PRKCA: variants seen among roughly 807,000 people sequenced by gnomAD.
The protein encoded by PRKCA is protein kinase C alpha type.
In PRKCA, 27 loss-of-function variants were observed where a neutral mutation model predicts 87.0. The observed-to-expected ratio is 0.31, with a 90% CI of 0.23 to 0.43. PRKCA has a LOEUF of 0.43. PRKCA is among the 20% of genes least tolerant of loss of function. The probability of loss-of-function intolerance (pLI) is 1.00; values close to 1 mark genes in which losing one functional copy is unlikely to be tolerated. For synonymous variants in PRKCA, 329 were observed against 311.1 expected (o/e 1.06, Z -0.61); for missense variants, 518 against 852.3 (o/e 0.61, Z 4.88).
At chr17:66,638,512 G>A (rs1040874997) in intron 3 of PRKCA, 19 of 152,196 alleles carry the variant, frequency 1.2e-4, no homozygotes, top group African/African-American at 4.3e-4. Flanking sequence ...GCAGACACGA[G>A]GGGTTTACTA....
intron 3 of PRKCA, among the ~76,000 whole-genome samples, chr17:66,582,014 G>A (rs1969454907): frequency 2.0e-5 from 3 of 152,176 alleles, no homozygotes. Flanking sequence ...TTTGTGAACA[G>A]AACCCCATCT....
At chr17:66,698,135 G>A (rs967324795) in intron 8 of PRKCA, among the ~76,000 whole-genome samples, 1 of 152,178 alleles carries the variant, frequency 6.6e-6, no homozygotes, top group African/African-American at 2.4e-5. Context: ...GATTGGAGGA[G>A]GAGATGACTG....
intron 13 of PRKCA, among the ~76,000 whole-genome samples, chr17:66,756,555 C>CAA (rs143822750): frequency 6.9e-5 from 10 of 145,192 alleles, no homozygotes; most frequent in Non-Finnish European, 1.2e-4. Flanking sequence ...CACTAAATGG[C>CAA]AAAAAAAAAA....
intron 3 of PRKCA, among the ~76,000 whole-genome samples, chr17:66,573,836 A>G (rs1439525239): frequency 1.3e-5 from 2 of 152,186 alleles, no homozygotes; most frequent in Non-Finnish European, 2.9e-5. Context: ...ACCTAGAAAA[A>G]TGGCCTCCCT....
intron 3 of PRKCA, among the ~76,000 whole-genome samples, chr17:66,524,190 T>C (rs950786069): frequency 6.6e-6 from 1 of 152,182 alleles, no homozygotes; most frequent in Admixed American, 6.5e-5. Context: ...TGCACTTCTT[T>C]CCCAAAACTT....
At chr17:66,767,583 A>G (rs1974839617) in intron 13 of PRKCA, among the ~76,000 whole-genome samples, 1 of 152,302 alleles carries the variant, frequency 6.6e-6, no homozygotes, top group South Asian at 2.1e-4. Flanking sequence ...TCTTGCTGCC[A>G]CAGCAATCCC....
At chr17:66,405,552 GA>G (rs933568569) in intron 2 of PRKCA, among the ~76,000 whole-genome samples, 39 of 151,668 alleles carry the variant, frequency 2.6e-4, no homozygotes, top group East Asian at 1.5e-3. Flanking sequence ...ATAATAGGGA[GA>G]AAAAAAAAAC....
Position 66,700,519 on chromosome 17 carries a change from A to G in PRKCA, c.918+11472A>G, listed in dbSNP as rs145272859. On this transcript the variant is annotated intron_variant, in intron 8 of 16. Transcript: ENST00000413366. ...GGAAGAAGTAAAATAGTCTCTGCAG[A>G]TGACATGATCATATATATATATAGA... is the stretch of plus-strand genomic sequence containing the variant. Among the ~76,000 whole-genome samples, 313 of 152,340 alleles carry G rather than the reference A, an allele frequency of 2.1e-3. 1 individual carries two copies. Among genetic ancestry groups the G allele is most frequent in the Middle Eastern group, 3.4e-3 (1 of 294 alleles).
chr17:66,761,008 G>A (rs937897670), intron 13 of PRKCA, among the ~76,000 whole-genome samples: 4 of 152,148 alleles, frequency 2.6e-5, no homozygotes, highest in African/African-American at 9.7e-5. Flanking sequence ...TTTCATTGGT[G>A]TAATTACTAT....
At chr17:66,677,094 T>TATTTATTTATTTATTGATTGATTG (rs1251679534) in intron 5 of PRKCA, 1 of 152,136 alleles carries the variant, frequency 6.6e-6, no homozygotes, top group East Asian at 1.9e-4. Context: ...TTTATTTATT[T>TATTTATTTATTTATTGATTGATTG]ATTGAGACTG....
intron 3 of PRKCA, among the ~76,000 whole-genome samples, chr17:66,591,319 A>ATTT (rs5821514): frequency 1.4e-5 from 2 of 146,062 alleles, no homozygotes; most frequent in African/African-American, 2.5e-5. Context: ...TGCCCAGCTA[A>ATTT]TTTTTTTTTT....
intron 7 of PRKCA, 111 bp from the exon 8 acceptor site, chr17:66,688,840 T>C: frequency 1.4e-6 from 1 of 698,964 alleles, no homozygotes; most frequent in Non-Finnish European, 2.5e-6. Flanking sequence ...TGTCTACTGA[T>C]CTGGCTGTAG....
rs139279112 is a variant in PRKCA at position 66,573,688 on chromosome 17, T to C, written c.289-67667T>C. Reference sequence around the variant, plus strand: ...TAACATTATTCTTTGACATTATGCTTTGTTGTTGTTTTTAACAAGCTATAT... The same window carrying C: ...TAACATTATTCTTTGACATTATGCTCTGTTGTTGTTTTTAACAAGCTATAT... On this transcript the variant is annotated intron_variant, in intron 3 of 16. Coordinates refer to ENST00000413366, the MANE Select transcript of PRKCA (RefSeq NM_002737.3). 8.9e-3 allele frequency among the ~76,000 whole-genome samples: 1,360 copies of C among 152,352 alleles called. 22 individuals are homozygous for C. The highest frequency in any genetic ancestry group is 0.031 in the African/African-American group (1,271 of 41,578).
chr17:66,650,857 C>T (rs962661254), intron 5 of PRKCA, among the ~76,000 whole-genome samples: 4 of 152,128 alleles, frequency 2.6e-5, no homozygotes, highest in African/African-American at 7.2e-5. Flanking sequence ...GTATGATAAT[C>T]GTTCATTTTT....
chr17:66,562,592 T>TTGTTG (rs1555619922), intron 3 of PRKCA, among the ~76,000 whole-genome samples: 27 of 150,726 alleles, frequency 1.8e-4, no homozygotes, highest in Non-Finnish European at 3.1e-4. Context: ...TTTGTTTTTT[T>TTGTTG]TTGTTGTTGT....
At chr17:66,364,367 G>T (rs1908577156) in intron 2 of PRKCA, 1 of 152,030 alleles carries the variant, frequency 6.6e-6, no homozygotes. Flanking sequence ...CACAGACAAG[G>T]GAGTCACTTA....
intron 5 of PRKCA, among the ~76,000 whole-genome samples, chr17:66,662,635 G>T (rs1971937937): frequency 6.6e-6 from 1 of 151,954 alleles, no homozygotes; most frequent in Non-Finnish European, 1.5e-5. Context: ...GTGAGAATGT[G>T]TCCAGGTTCT....
chr17:66,675,765 A>C (rs1023019891), intron 5 of PRKCA, among the ~76,000 whole-genome samples: 1 of 152,112 alleles, frequency 6.6e-6, no homozygotes, highest in African/African-American at 2.4e-5. Flanking sequence ...CGGCCACCGG[A>C]GCCTGCCTGG....
chr17:66,722,725 C>G (rs1219310733), intron 8 of PRKCA, among the ~76,000 whole-genome samples: 1 of 152,140 alleles, frequency 6.6e-6, no homozygotes, highest in Non-Finnish European at 1.5e-5. Flanking sequence ...CATCACAATG[C>G]CAAACTTGAA....
Sources: gnomAD v4.1 joint callset for allele counts (sites outside exome capture counted in the v4.1 genomes callset) on GRCh38, gnomAD v4.1.1 for gene constraint, MANE v1.5 for transcripts, NCBI Gene and HGNC (gene_info 2026-07-23, HGNC 2026-07-21) for gene names.